Variants in NRG1 observed in about 807,000 individuals in gnomAD.
The protein encoded by NRG1 is pro-neuregulin-1, membrane-bound isoform.
In NRG1, 18 loss-of-function variants were observed where a neutral mutation model predicts 63.8. The observed-to-expected ratio is 0.28, with a 90% CI of 0.19 to 0.42. The LOEUF (loss-of-function observed/expected upper bound fraction) is 0.42. Ranked by LOEUF, NRG1 falls within the 10% of genes least tolerant of loss-of-function variation. The pLI is 1.00. For synonymous variants in NRG1, 302 were observed against 301.3 expected (o/e 1.00, Z -0.02); for missense variants, 762 against 814.7 (o/e 0.94, Z 0.79).
intron 1 of NRG1, among the ~76,000 whole-genome samples, chr8:31,870,716 G>T (rs1184773396): frequency 6.6e-6 from 1 of 152,132 alleles, no homozygotes; most frequent in Non-Finnish European, 1.5e-5. Flanking sequence ...TAAAACTTGA[G>T]AGGGTTTTAT....
chr8:32,579,149 A>G (rs1378921883), intron 1 of NRG1, among the ~76,000 whole-genome samples: 1 of 150,358 alleles, frequency 6.7e-6, no homozygotes, highest in Non-Finnish European at 1.5e-5. Context: ...TGAAACCCAA[A>G]ACTTTTGAAA....
At chr8:31,916,686 G>A (rs943066529) in intron 1 of NRG1, among the ~76,000 whole-genome samples, 1 of 152,094 alleles carries the variant, frequency 6.6e-6, no homozygotes, top group Non-Finnish European at 1.5e-5. Flanking sequence ...TGTCTTTATA[G>A]CAGCATGATT....
intron 1 of NRG1, among the ~76,000 whole-genome samples, chr8:32,151,709 C>T (rs755757166): frequency 6.6e-6 from 1 of 152,124 alleles, no homozygotes; most frequent in African/African-American, 2.4e-5. Context: ...AACCTGGCAA[C>T]AGAGAGGAGG....
chr8:32,000,941 A>G (rs1812820785), intron 1 of NRG1, among the ~76,000 whole-genome samples: 1 of 151,952 alleles, frequency 6.6e-6, no homozygotes, highest in Non-Finnish European at 1.5e-5. Context: ...AAATACCCCT[A>G]TTACACATAC....
At chr8:32,210,782 C>T (rs1844624225) in intron 1 of NRG1, among the ~76,000 whole-genome samples, 1 of 152,176 alleles carries the variant, frequency 6.6e-6, no homozygotes, top group Admixed American at 6.5e-5. Flanking sequence ...CAGAGTCTCA[C>T]AGTTGCTGAT....
chr8:32,321,046 T>G (rs1257389018), intron 1 of NRG1, among the ~76,000 whole-genome samples: 1 of 152,178 alleles, frequency 6.6e-6, no homozygotes, highest in Non-Finnish European at 1.5e-5. Flanking sequence ...AATATGGTTC[T>G]TCTCAGGAAT....
At chr8:32,030,419 A>G (rs1292229029) in intron 1 of NRG1, 1 of 152,210 alleles carries the variant, frequency 6.6e-6, no homozygotes, top group African/African-American at 2.4e-5. Context: ...TTGGCCAGAC[A>G]CTGATGCTAA....
chr8:31,791,739 T>G (rs565430648), intron 1 of NRG1, among the ~76,000 whole-genome samples: 1 of 152,178 alleles, frequency 6.6e-6, no homozygotes, highest in Non-Finnish European at 1.5e-5. Context: ...TAGGATCTCA[T>G]GGCTGCCCGG....
intron 1 of NRG1, among the ~76,000 whole-genome samples, chr8:32,026,800 T>G (rs554695650): frequency 6.6e-6 from 1 of 152,260 alleles, no homozygotes; most frequent in African/African-American, 2.4e-5. Context: ...AGAATAAATA[T>G]TTATTTTCAT....
intron 1 of NRG1, among the ~76,000 whole-genome samples, chr8:31,853,823 A>C (rs374953090): frequency 5.3e-5 from 8 of 151,828 alleles, no homozygotes; most frequent in Non-Finnish European, 1.0e-4. Flanking sequence ...TAGCATGAAG[A>C]GTTGTTGAAT....
chr8:32,555,487 T>A (rs1401258161), intron 1 of NRG1, among the ~76,000 whole-genome samples: 1 of 152,212 alleles, frequency 6.6e-6, no homozygotes, highest in East Asian at 1.9e-4. Context: ...ATGTACTTTT[T>A]TTGAGACGGA....
At chr8:31,740,688 A>T (rs950259839) in intron 1 of NRG1, among the ~76,000 whole-genome samples, 19 of 150,054 alleles carry the variant, frequency 1.3e-4, no homozygotes, top group African/African-American at 1.9e-4. Context: ...TGTGTGTGAG[A>T]GAGAGAGAGA....
chr8:32,497,269 A>G (rs1827314166), intron 1 of NRG1, among the ~76,000 whole-genome samples: 1 of 152,056 alleles, frequency 6.6e-6, no homozygotes, highest in South Asian at 2.1e-4. Flanking sequence ...CAACATGGTG[A>G]AAACCCGTCT....
At chr8:31,987,545 A>G (rs1810299612) in intron 1 of NRG1, among the ~76,000 whole-genome samples, 1 of 151,972 alleles carries the variant, frequency 6.6e-6, no homozygotes, top group Non-Finnish European at 1.5e-5. Context: ...TGAACTGAGT[A>G]TGCATGTACA....
exon 1 of NRG1, chr8:32,548,600 A>G (rs2129523231): frequency 7.4e-7 from 1 of 1,345,580 alleles, no homozygotes; most frequent in Non-Finnish European, 9.5e-7. Context: ...GCGCAGCGCG[A>G]GCGCCTCAGC....
At chr8:32,369,966 A>G (rs979794277) in intron 1 of NRG1, among the ~76,000 whole-genome samples, 3 of 152,130 alleles carry the variant, frequency 2.0e-5, no homozygotes, top group Admixed American at 6.6e-5. Flanking sequence ...TGCAAAGGAG[A>G]GACACCAAGA....
At chr8:32,193,070 A>C (rs187744361) in intron 1 of NRG1, among the ~76,000 whole-genome samples, 201 of 152,312 alleles carry the variant, frequency 1.3e-3, no homozygotes, top group Non-Finnish European at 1.9e-3. Flanking sequence ...ATATTTGTGG[A>C]ATCATGAATG....
intron 1 of NRG1, among the ~76,000 whole-genome samples, chr8:31,716,735 A>G (rs1194294411): frequency 6.6e-6 from 1 of 152,232 alleles, no homozygotes; most frequent in Non-Finnish European, 1.5e-5. Flanking sequence ...CTGTCTAAAT[A>G]CGGTTCTAAT....
In NRG1 at chr8:32,266,396, A is replaced by G. The variant is rs75710036; in HGVS notation, c.38-329432A>G. Among the ~76,000 whole-genome samples the G allele has an allele frequency of 3.5e-3, 533 of 152,288 alleles. 5 individuals carry two copies. Among genetic ancestry groups the G allele is most frequent in the African/African-American group, 0.012 (513 of 41,576 alleles). ...ACAAGATCCAAGAATATTAATATCT[A>G]ACAGCTTAGCCTAAATTTCTTGAAA... On this transcript the variant is annotated intron_variant, in intron 1 of 10. Transcript: ENST00000519301.
Sources: gnomAD v4.1 joint callset for allele counts (sites outside exome capture counted in the v4.1 genomes callset) on GRCh38, gnomAD v4.1.1 for gene constraint, MANE v1.5 for transcripts, NCBI Gene and HGNC (gene_info 2026-07-23, HGNC 2026-07-21) for gene names.